Variants in CA5A observed in about 807,000 individuals in gnomAD.
CA5A encodes the protein carbonic anhydrase 5A, also known as carbonic anhydrase 5A, mitochondrial.
A neutral mutation model predicts 37.1 loss-of-function variants in CA5A; 28 were observed. That is an observed-to-expected ratio of 0.75 (90% CI 0.56 to 1.03). The LOEUF (loss-of-function observed/expected upper bound fraction) is 1.03. CA5A is among the 50% of genes least tolerant of loss of function. The pLI, the probability that CA5A is intolerant of heterozygous loss-of-function variation, is 0.00. For synonymous variants in CA5A, 171 were observed against 158.4 expected (o/e 1.08, Z -0.60); for missense variants, 444 against 399.9 (o/e 1.11, Z -0.94).
intron 5 of CA5A, chr16:87,893,118 C>A (rs2055748342): frequency 1.7e-6 from 1 of 575,488 alleles, no homozygotes; most frequent in Non-Finnish European, 3.0e-6. Flanking sequence ...ACATTTCTTT[C>A]TTTCTTCCTT....
intron 2 of CA5A, among the ~76,000 whole-genome samples, chr16:87,913,355 T>A (rs986710933): frequency 6.8e-6 from 1 of 147,484 alleles, no homozygotes; most frequent in Non-Finnish European, 1.5e-5. Context: ...CAGGCTGGAG[T>A]GCAATGGTGT....
chr16:87,897,438 G>A (rs1415613793), intron 5 of CA5A, among the ~76,000 whole-genome samples: 1 of 152,104 alleles, frequency 6.6e-6, no homozygotes, highest in African/African-American at 2.4e-5. Context: ...CCACACTGGG[G>A]CTGTGCCTGC....
intron 1 of CA5A, among the ~76,000 whole-genome samples, chr16:87,933,468 C>T (rs1476909620): frequency 6.6e-6 from 1 of 152,214 alleles, no homozygotes; most frequent in African/African-American, 2.4e-5. Flanking sequence ...CCTGAAATTC[C>T]TGGGGTCAGT....
In CA5A at chr16:87,911,203, G is replaced by A. The variant is rs925794712; in HGVS notation, c.341-6299C>T. Among the ~76,000 whole-genome samples the A allele has an allele frequency of 5.3e-5, 8 of 151,684 alleles. No homozygotes were observed. The highest frequency in any genetic ancestry group is 2.1e-4 in the South Asian group (1 of 4,810). On this transcript the variant is annotated intron_variant, in intron 2 of 6. Coordinates refer to ENST00000649794, the MANE Select transcript of CA5A (RefSeq NM_001739.2). This position sits in a 1 kb window ranked among gnomAD's most constrained non-coding sequence, Gnocchi z 4.6. ...CTGCTATCAGCAGGGCTGGTCCACCGGGCAGCACTGGCCACTGTTGCCTCA... is the reference window on the plus strand; with the variant it reads ...CTGCTATCAGCAGGGCTGGTCCACCAGGCAGCACTGGCCACTGTTGCCTCA...
At chr16:87,934,875 G>A (rs575490593) in intron 1 of CA5A, among the ~76,000 whole-genome samples, 6 of 152,188 alleles carry the variant, frequency 3.9e-5, no homozygotes, top group South Asian at 2.1e-4. Context: ...CAAGAGGATC[G>A]CTTGAACCCA....
intron 6 of CA5A, among the ~76,000 whole-genome samples, chr16:87,888,997 G>A (rs7202309): frequency 0.096 from 14,415 of 150,064 alleles, 771 homozygotes; most frequent in Middle Eastern, 0.19. Context: ...TTTGCTCACC[G>A]CAACTTCTGC....
chr16:87,924,574 G>A (rs2056276129), intron 2 of CA5A, among the ~76,000 whole-genome samples: 1 of 152,236 alleles, frequency 6.6e-6, no homozygotes, highest in Non-Finnish European at 1.5e-5. Flanking sequence ...TGCTCACTGA[G>A]GTCCCCTGTG....
chr16:87,922,941 C>T (rs189539931), intron 2 of CA5A, among the ~76,000 whole-genome samples: 1 of 152,328 alleles, frequency 6.6e-6, no homozygotes, highest in African/African-American at 2.4e-5. Context: ...AAAATGGGGA[C>T]TGGTTTGTAT....
At chr16:87,906,605 C>T (rs970678680) in intron 2 of CA5A, among the ~76,000 whole-genome samples, 4 of 151,884 alleles carry the variant, frequency 2.6e-5, no homozygotes, top group East Asian at 1.9e-4. Flanking sequence ...CCAGACTGGG[C>T]GACGGAGTGA....
In CA5A at chr16:87,888,235, C is replaced by G. The variant is rs1256937534; in HGVS notation, c.812G>C (p.Gly271Ala). 1 of 1,613,812 alleles carries G rather than the reference C, an allele frequency of 6.2e-7. No homozygotes were observed. The highest frequency in any genetic ancestry group is 1.7e-5 in the Admixed American group (1 of 59,992). ...GTTCACCATCATCTTCTCCTCTTCA[C>G]CAAGTGCAGAAAACAGGAGAGTACG... ...AFRTLLFSAL[G>A]EEEKMMVNNY... Residue 271 changes from glycine (G) to alanine (A), a missense_variant, in exon 7 of 7, where the codon GGT becomes GCT. Gly to Ala is a moderately conservative substitution (Grantham distance 60, BLOSUM62 0). Coordinates refer to ENST00000649794, the MANE Select transcript of CA5A (RefSeq NM_001739.2).
intron 1 of CA5A, among the ~76,000 whole-genome samples, chr16:87,929,100 C>T (rs1372470149): frequency 6.7e-6 from 1 of 149,754 alleles, no homozygotes; most frequent in Non-Finnish European, 1.5e-5. Context: ...AATTCCTAAC[C>T]ACAGAATCAC....
At chr16:87,909,681 T>C (rs148944290) in intron 2 of CA5A, among the ~76,000 whole-genome samples, 1 of 152,344 alleles carries the variant, frequency 6.6e-6, no homozygotes, top group East Asian at 1.9e-4. Flanking sequence ...GTGGGATTCA[T>C]ACACCTTGAG....
In CA5A at chr16:87,888,271, A is replaced by G. The variant is rs567917481; in HGVS notation, c.776T>C (p.Leu259Pro). Residue 259 changes from leucine to proline, a missense_variant and splice_region_variant, in exon 7 of 7, where the codon CTC becomes CCC. Physicochemically the swap from Leu to Pro is moderately conservative, Grantham distance 98 (BLOSUM62 -3). Transcript: ENST00000649794. Reference protein sequence around the residue: ...KEPVEVAPSQLSAFRTLLFSA... With the variant: ...KEPVEVAPSQPSAFRTLLFSA... ...AAACAGGAGAGTACGAAATGCAGAG[A>G]GCTGGAATAGAGGGCAGCCAGGGTG... 41 of 1,612,386 alleles carry G rather than the reference A, an allele frequency of 2.5e-5. No homozygotes were observed. The highest frequency in any genetic ancestry group is 6.7e-5 in the Admixed American group (4 of 59,878).
intron 2 of CA5A, among the ~76,000 whole-genome samples, chr16:87,905,864 A>G (rs4843732): frequency 0.35 from 53,002 of 152,138 alleles, 10,250 homozygotes; most frequent in African/African-American, 0.53. Context: ...TGCCAGGTGC[A>G]GCCTCCCAGG....
chr16:87,907,933 A>G (rs891121089), intron 2 of CA5A, among the ~76,000 whole-genome samples: 1 of 152,156 alleles, frequency 6.6e-6, no homozygotes, highest in Non-Finnish European at 1.5e-5. Flanking sequence ...TCTCAAAAAC[A>G]AACAAACAAA....
intron 5 of CA5A, among the ~76,000 whole-genome samples, chr16:87,897,386 T>G (rs2055819932): frequency 6.6e-6 from 1 of 152,190 alleles, no homozygotes; most frequent in South Asian, 2.1e-4. Flanking sequence ...GGCGAAGCCT[T>G]GAGGTCTCCA....
Position 87,914,230 on chromosome 16 carries a change from G to A in CA5A, c.341-9326C>T, listed in dbSNP as rs1401578893. On this transcript the variant is annotated intron_variant, in intron 2 of 6. Coordinates refer to ENST00000649794, the MANE Select transcript of CA5A (RefSeq NM_001739.2). ...CTTTGCAGGAGCTCCGAGCAGTGGC[G>A]AGAGGAAGTCACGGGTGACCATGGT... Among the ~76,000 whole-genome samples the A allele has an allele frequency of 4.6e-5, 7 of 152,364 alleles. No homozygotes were observed. In the South Asian group the frequency reaches 1.0e-3, roughly 23 times the overall value.
At chr16:87,907,941 A>G (rs2055990125) in intron 2 of CA5A, among the ~76,000 whole-genome samples, 1 of 152,160 alleles carries the variant, frequency 6.6e-6, no homozygotes, top group African/African-American at 2.4e-5. Context: ...ACAAACAAAC[A>G]AACAAACAAA....
chr16:87,935,486 C>T (rs1257904325), intron 1 of CA5A, among the ~76,000 whole-genome samples: 3 of 152,184 alleles, frequency 2.0e-5, no homozygotes, highest in Non-Finnish European at 2.9e-5. Flanking sequence ...GTGTCCCGTG[C>T]GAACACGGAC....
Sources: allele counts gnomAD v4.1 joint callset (sites outside exome capture counted in the v4.1 genomes callset), GRCh38; gene constraint gnomAD v4.1.1; non-coding constraint Gnocchi (gnomAD v3.1); transcripts MANE v1.5; gene names NCBI Gene and HGNC (gene_info 2026-07-23, HGNC 2026-07-21).